Variants in ARHGEF17 observed in about 807,000 individuals in gnomAD.
The protein encoded by ARHGEF17 is Rho guanine nucleotide exchange factor 17, also known as 164 kDa Rho-specific guanine-nucleotide exchange factor.
ARHGEF17 carries 80 observed loss-of-function variants against 174.0 expected under a neutral mutation model. The ratio of observed to expected loss-of-function variants is 0.46; its 90% CI spans 0.38 to 0.55. The LOEUF (loss-of-function observed/expected upper bound fraction) is 0.55, where lower values mean the gene tolerates loss of function less well. Among genes scored for constraint, ARHGEF17 ranks in the 20% least tolerant of loss-of-function variants. The pLI, the probability that ARHGEF17 is intolerant of heterozygous loss-of-function variation, is 0.00. For synonymous variants in ARHGEF17, 1,311 were observed against 1,189.1 expected, an observed-to-expected ratio of 1.10 and a Z score of -2.11; for missense variants, 2,886 against 2,839.7, an observed-to-expected ratio of 1.02 and a Z score of -0.37.
At chr11:73,340,788 G>T (rs942191548) in intron 1 of ARHGEF17, among the ~76,000 whole-genome samples, 1 of 152,214 alleles carries the variant, frequency 6.6e-6, no homozygotes, top group Non-Finnish European at 1.5e-5. Flanking sequence ...TGGATGTCTG[G>T]ACTGGATCAC....
chr11:73,360,343 C>G lies in ARHGEF17; in HGVS notation c.4230C>G (p.Asp1410Glu). Residue 1410 changes from aspartate to glutamate, a missense_variant, in exon 11 of 21, where the codon GAC becomes GAG. Asp to Glu is a conservative substitution (Grantham distance 45). Transcript: ENST00000263674. Reference sequence around the variant, plus strand: ...AGAGCCTGGACGATGCACTGCGGGACCTCTCAGCTGCCATGCACCGGGACC... The same window carrying G: ...AGAGCCTGGACGATGCACTGCGGGAGCTCTCAGCTGCCATGCACCGGGACC... ...PHQSLDDALR[D>E]LSAAMHRDLS... 1 of 1,613,778 alleles carries G rather than the reference C, an allele frequency of 6.2e-7. No individual in the cohort carries two copies. The highest frequency in any genetic ancestry group is 8.5e-7 in the Non-Finnish European group (1 of 1,180,050).
rs551457916 is a variant in ARHGEF17, at chr11:73,332,680, T to A, written c.3193-14203T>A. Among the ~76,000 whole-genome samples the A allele has an allele frequency of 2.7e-4, 41 of 152,096 alleles. 1 individual carries two copies. The South Asian group carries it at 8.1e-3, about 30-fold the overall frequency. On this transcript the variant is annotated intron_variant, in intron 1 of 20. Coordinates refer to ENST00000263674, the MANE Select transcript of ARHGEF17 (RefSeq NM_014786.4). ...ATGCTCCTCTCTCCGGGTTCCTAGA[T>A]AATCCCACACCTCTTCCTTCTGGGG... is the stretch of plus-strand genomic sequence containing the variant.
chr11:73,310,583 G>C lies in ARHGEF17; in HGVS notation c.1945G>C (p.Gly649Arg), dbSNP rs1042684194. The C allele has an allele frequency of 2.1e-5, 34 of 1,613,984 alleles. No homozygotes were observed. The highest frequency in any genetic ancestry group is 2.7e-5 in the Non-Finnish European group (32 of 1,180,028). ...PESSLTDEGI[G>R]ADPEPPVAAF... ...GTCCAGTCTGACAGATGAAGGCATT[G>C]GGGCAGACCCTGAGCCTCCTGTTGC... is the stretch of plus-strand genomic sequence containing the variant. Residue 649 changes from glycine (G) to arginine (R), a missense_variant, in exon 1 of 21, where the codon GGG (glycine) becomes CGG (arginine). Around this residue, in one of 4 missense-constraint regions of ARHGEF17, gnomAD observed 1,728 missense variants for 1,461.2 expected, o/e 1.18. Transcript: ENST00000263674.
chr11:73,310,836 C>T lies in ARHGEF17; in HGVS notation c.2198C>T (p.Ser733Phe), dbSNP rs766128753. Residue 733 changes from serine (S) to phenylalanine (F), a missense_variant, in exon 1 of 21, where the codon TCC (serine) becomes TTC (phenylalanine). Around this residue, in one of 4 missense-constraint regions of ARHGEF17, gnomAD observed 1,728 missense variants for 1,461.2 expected, o/e 1.18. Transcript: ENST00000263674. The part of the protein sequence containing the change: ...SNGEAGEAYR[S>F]LSDPIPQRHR... Reference sequence around the variant, plus strand: ...GGGGAGGCAGGGGAGGCCTACAGGTCCCTGAGTGACCCAATTCCTCAGCGC... The same window carrying T: ...GGGGAGGCAGGGGAGGCCTACAGGTTCCTGAGTGACCCAATTCCTCAGCGC... The T allele has an allele frequency of 6.2e-7, 1 of 1,611,964 alleles. No individual in the cohort carries two copies. The highest frequency in any genetic ancestry group is 8.5e-7 in the Non-Finnish European group (1 of 1,179,478).
chr11:73,324,652 C>T (rs1865072609), intron 1 of ARHGEF17, among the ~76,000 whole-genome samples: 1 of 152,214 alleles, frequency 6.6e-6, no homozygotes, highest in Non-Finnish European at 1.5e-5. Context: ...GGAGTTCAGA[C>T]CCAGATGGTC....
intron 1 of ARHGEF17, among the ~76,000 whole-genome samples, chr11:73,346,252 C>T (rs1865459215): frequency 6.6e-6 from 1 of 152,152 alleles, no homozygotes; most frequent in South Asian, 2.1e-4. Flanking sequence ...TAGAACAGTG[C>T]CTGGCGCATA....
chr11:73,362,387 C>G (rs1045725327), intron 13 of ARHGEF17, 46 bp from the exon 14 acceptor site: 4 of 1,481,754 alleles, frequency 2.7e-6, no homozygotes, highest in African/African-American at 1.4e-5. Flanking sequence ...CACCGGGGCC[C>G]CGTCTGGCTC....
In ARHGEF17 at chr11:73,347,041, C is replaced by G. The variant is rs767999599; in HGVS notation, c.3270+81C>G. 108 of 1,353,470 alleles carry G rather than the reference C, an allele frequency of 8.0e-5. No individual in the cohort carries two copies. In the East Asian group the frequency reaches 1.6e-3, roughly 20 times the overall value. The allele number at this position is 1,353,470 out of a possible 1,614,324, so 83.8% of individuals were successfully genotyped here. A position where few individuals can be genotyped will look rare whatever the true frequency, so the allele number is the denominator to read the frequency against. On this transcript the variant is annotated intron_variant, in intron 2 of 20. Transcript: ENST00000263674. ...CAGATGGGTGTGAGCAAACCCCTTTCATGGACAAGGGACTGAGGCCAGAGA... is the reference window on the plus strand; with the variant it reads ...CAGATGGGTGTGAGCAAACCCCTTTGATGGACAAGGGACTGAGGCCAGAGA...
intron 17 of ARHGEF17, 75 bp from the exon 18 acceptor site, chr11:73,364,374 TAAC>T: frequency 6.2e-7 from 1 of 1,607,292 alleles, no homozygotes; most frequent in Non-Finnish European, 8.5e-7. Flanking sequence ...AGGGGAATGT[TAAC>T]ATCTCATTTC....
intron 7 of ARHGEF17, 26 bp downstream of exon 7, chr11:73,356,785 G>T: frequency 6.2e-7 from 1 of 1,614,008 alleles, no homozygotes; most frequent in Non-Finnish European, 8.5e-7. Context: ...GTATCTGTCC[G>T]GCTGTCCCCA....
Position 73,367,889 on chromosome 11 carries a change from A to G in ARHGEF17, c.*109A>G, listed in dbSNP as rs1865868349. ...CAGGAGTATCCAGCCAGGGGCACAC[A>G]TGTGCCTGCGTGGGCTCTGCCTTGT... On this transcript the variant is annotated 3_prime_UTR_variant, in exon 21 of 21. Transcript: ENST00000263674. 7 of 1,193,666 alleles carry G rather than the reference A, an allele frequency of 5.9e-6. No homozygotes were observed. Among genetic ancestry groups the G allele is most frequent in the Admixed American group, 2.4e-5 (1 of 42,066 alleles). The allele number at this position is 1,193,666 out of a possible 1,614,324, so 73.9% of individuals were successfully genotyped here. A position where few individuals can be genotyped will look rare whatever the true frequency, so the allele number is the denominator to read the frequency against.
intron 13 of ARHGEF17, 68 bp from the exon 14 acceptor site, chr11:73,362,365 G>A: frequency 6.9e-7 from 1 of 1,458,856 alleles, no homozygotes; most frequent in Non-Finnish European, 9.0e-7. Flanking sequence ...CGGGGTCGGT[G>A]GGCGTGTCCA....
intron 1 of ARHGEF17, among the ~76,000 whole-genome samples, chr11:73,343,643 C>A (rs1865412495): frequency 6.6e-6 from 1 of 152,174 alleles, no homozygotes; most frequent in Non-Finnish European, 1.5e-5. Context: ...GTTTTGCACC[C>A]CCACTGCCAT....
At chr11:73,323,021 C>T (rs935097713) in intron 1 of ARHGEF17, among the ~76,000 whole-genome samples, 14 of 152,210 alleles carry the variant, frequency 9.2e-5, no homozygotes, top group Admixed American at 8.5e-4. Flanking sequence ...CTTCTTGTCT[C>T]GGCAGAAATT....
In ARHGEF17 at chr11:73,310,388, C is replaced by A; in HGVS notation, c.1750C>A (p.Pro584Thr). ...CCCTGGTGCCGAGGAGGATCCGCTG[C>A]CCCTCATCGTCCAGGACCAATATGT... ...TGPGAEEDPL[P>T]LIVQDQYVQE... The change falls in exon 1 of 21, where the codon CCC (proline) becomes ACC (threonine). Residue 584 changes from proline to threonine, a missense_variant. This residue lies in a region of ARHGEF17 where 1,728 missense variants were observed against 1,461.2 expected (regional missense o/e 1.18). Coordinates refer to ENST00000263674, the MANE Select transcript of ARHGEF17 (RefSeq NM_014786.4). The A allele has an allele frequency of 6.2e-7, 1 of 1,613,958 alleles. No individual in the cohort carries two copies. Among genetic ancestry groups the A allele is most frequent in the East Asian group, 2.2e-5 (1 of 44,882 alleles).
At chr11:73,344,307 G>A (rs1865426080) in intron 1 of ARHGEF17, among the ~76,000 whole-genome samples, 1 of 152,234 alleles carries the variant, frequency 6.6e-6, no homozygotes, top group Non-Finnish European at 1.5e-5. Flanking sequence ...GGCTGCTCGC[G>A]CAGTGACAGG....
chr11:73,335,303 G>T (rs957055329), intron 1 of ARHGEF17, among the ~76,000 whole-genome samples: 2 of 152,174 alleles, frequency 1.3e-5, no homozygotes, highest in Non-Finnish European at 1.5e-5. Context: ...TGGTTTCTCT[G>T]CCTGTAAAAT....
Position 73,363,329 on chromosome 11 carries a change from C to T in ARHGEF17, c.5120C>T (p.Pro1707Leu), listed in dbSNP as rs779244158. 3.7e-6 allele frequency: 6 copies of T among 1,612,874 alleles called. No homozygotes were observed. Among genetic ancestry groups the T allele is most frequent in the Non-Finnish European group, 4.2e-6 (5 of 1,179,828 alleles). Residue 1707 changes from proline (P) to leucine (L), a missense_variant, in exon 15 of 21, where the codon CCA (proline) becomes CTA (leucine). Coordinates refer to ENST00000263674, the MANE Select transcript of ARHGEF17 (RefSeq NM_014786.4). ...CCTGGTGGTCCCTGCGGCACCAGCC[C>T]AATGGATGGGAGAGCCCTTCGCCGC... Reference protein sequence around the residue: ...FGPGGPCGTSPMDGRALRRSS... With the variant: ...FGPGGPCGTSLMDGRALRRSS...
Position 73,310,486 on chromosome 11 carries a change from C to A in ARHGEF17, c.1848C>A (p.Pro616=). 6.2e-7 allele frequency: 1 copy of A among 1,614,000 alleles called. No individual in the cohort carries two copies. Among genetic ancestry groups the A allele is most frequent in the Non-Finnish European group, 8.5e-7 (1 of 1,180,044 alleles). ...GAQQDDGSDA[P]PGSPDWAGDV... ...AACAAGATGATGGAAGCGATGCCCCCCCTGGAAGCCCTGACTGGGCAGGGG... is the reference window on the plus strand; with the variant it reads ...AACAAGATGATGGAAGCGATGCCCCACCTGGAAGCCCTGACTGGGCAGGGG... Residue 616 remains proline (P), a synonymous_variant, in exon 1 of 21, where the codon CCC becomes CCA. Coordinates refer to ENST00000263674, the MANE Select transcript of ARHGEF17 (RefSeq NM_014786.4).
Sources: allele counts gnomAD v4.1 joint callset (sites outside exome capture counted in the v4.1 genomes callset), GRCh38; gene constraint gnomAD v4.1.1; regional missense constraint gnomAD v4.1.1; transcripts MANE v1.5; gene names NCBI Gene and HGNC (gene_info 2026-07-23, HGNC 2026-07-21).